The following OR3A2 variants were observed in gnomAD, a reference collection of about 807,000 sequenced individuals.
The protein encoded by OR3A2 is olfactory receptor family 3 subfamily A member 2, also known as olfactory receptor 3A2.
For missense variants in OR3A2, 318 were observed against 392.8 expected (o/e 0.81, Z 1.61); for synonymous variants, 126 against 159.3 (o/e 0.79, Z 1.57).
intron 3 of OR3A2, among the ~76,000 whole-genome samples, chr17:3,294,168 T>C (rs2048901382): frequency 6.7e-6 from 1 of 149,798 alleles, no homozygotes; most frequent in African/African-American, 2.5e-5. Context: ...TCGGCCTCTC[T>C]AAAAATAAAA....
At position 3,335,375 on chromosome 17, in the gene OR3A2, CTTTCT is replaced by C. The variant is rs564400231; in HGVS notation, c.-85+653_-85+657del. On this transcript the variant is annotated intron_variant, in intron 3 of 4. Transcript: ENST00000573491. ...TGTATGCCTGGAATATTAATCTAGC[CTTTCT>C]TTTGATACATTTTATAAATATATGT... Among the ~76,000 whole-genome samples the C allele has an allele frequency of 2.0e-5, 3 of 152,122 alleles. No homozygotes were observed. In the South Asian group the frequency reaches 6.2e-4, roughly 31 times the overall value.
intron 2 of OR3A2, among the ~76,000 whole-genome samples, chr17:3,363,325 C>T (rs964033998): frequency 6.6e-6 from 1 of 151,754 alleles, no homozygotes; most frequent in African/African-American, 2.4e-5. Context: ...ATTTCTTCTG[C>T]CAGATACTCT....
chr17:3,362,804 C>A (rs548505523), intron 2 of OR3A2, among the ~76,000 whole-genome samples: 1 of 151,760 alleles, frequency 6.6e-6, no homozygotes, highest in African/African-American at 2.4e-5. Flanking sequence ...TCCATACATC[C>A]TCTGAAATCT....
chr17:3,294,668 G>A (rs373329559), intron 3 of OR3A2, among the ~76,000 whole-genome samples: 2 of 152,004 alleles, frequency 1.3e-5, no homozygotes. Flanking sequence ...TAAAAAAATG[G>A]ATAGCCTAGT....
At chr17:3,371,906 C>T (rs144739920) in intron 2 of OR3A2, among the ~76,000 whole-genome samples, 2,825 of 145,106 alleles carry the variant, frequency 0.019, 127 homozygotes, top group African/African-American at 0.067. Flanking sequence ...CCGGACGGGG[C>T]GGCTGGCCGG....
intron 3 of OR3A2, among the ~76,000 whole-genome samples, chr17:3,306,640 T>C (rs539787279): frequency 9.3e-4 from 132 of 141,280 alleles, no homozygotes; most frequent in Non-Finnish European, 1.6e-3. Flanking sequence ...CCATGTGGAA[T>C]AGGGAGAGTG....
intron 2 of OR3A2, among the ~76,000 whole-genome samples, chr17:3,347,368 A>G (rs777914909): frequency 6.6e-6 from 1 of 152,104 alleles, no homozygotes; most frequent in African/African-American, 2.4e-5. Context: ...AGCATTAGGT[A>G]TATCTCCCAA....
Position 3,348,584 on chromosome 17 carries a change from G to A in OR3A2, c.-178-12458C>T, listed in dbSNP as rs149729060. The stretch of plus-strand genomic sequence containing the variant: ...GTACCTGAAAGTGACGGGGAGAATG[G>A]AACCAAGTTGGAAAACACTCTGCAG... On this transcript the variant is annotated intron_variant, in intron 2 of 4. Coordinates refer to the OR3A2 transcript ENST00000573491. Among the ~76,000 whole-genome samples, 443 of 152,196 alleles carry A rather than the reference G, an allele frequency of 2.9e-3. 1 individual carries two copies. The highest frequency in any genetic ancestry group is 0.017 in the Middle Eastern group (5 of 294).
At chr17:3,293,365 A>T (rs2048893206) in intron 3 of OR3A2, among the ~76,000 whole-genome samples, 1 of 152,240 alleles carries the variant, frequency 6.6e-6, no homozygotes, top group South Asian at 2.1e-4. Flanking sequence ...GTAGAAAAAA[A>T]TACATCAGTT....
chr17:3,361,402 T>G (rs1323990578), intron 2 of OR3A2, among the ~76,000 whole-genome samples: 4 of 151,534 alleles, frequency 2.6e-5, no homozygotes, highest in Admixed American at 6.6e-5. Context: ...TGAATGTGCT[T>G]TATTTCTTTC....
At chr17:3,320,775 A>G (rs2049114845) in intron 3 of OR3A2, among the ~76,000 whole-genome samples, 1 of 152,062 alleles carries the variant, frequency 6.6e-6, no homozygotes, top group Admixed American at 6.6e-5. Context: ...TGTTTTGGTT[A>G]CTGTAGCCTT....
intron 2 of OR3A2, among the ~76,000 whole-genome samples, chr17:3,343,557 G>A (rs1033319284): frequency 6.6e-6 from 1 of 152,112 alleles, no homozygotes; most frequent in African/African-American, 2.4e-5. Flanking sequence ...TTAGAAAACA[G>A]AAAGAAACTA....
chr17:3,347,855 C>T (rs1290738708), intron 2 of OR3A2, among the ~76,000 whole-genome samples: 2 of 152,170 alleles, frequency 1.3e-5, no homozygotes, highest in Middle Eastern at 3.2e-3. Context: ...GATTACAGTC[C>T]CACCAACAGT....
At chr17:3,385,984 G>T in intron 1 of OR3A2, 141 bp downstream of exon 1, 1 of 370,068 alleles carries the variant, frequency 2.7e-6, no homozygotes, top group Non-Finnish European at 4.6e-6. Context: ...CGGCCTGGTG[G>T]ACGGAACAGA....
chr17:3,317,004 A>C (rs1482500936), intron 3 of OR3A2, among the ~76,000 whole-genome samples: 1 of 152,164 alleles, frequency 6.6e-6, no homozygotes, highest in Non-Finnish European at 1.5e-5. Context: ...ACTACATAGT[A>C]AATACTCAAG....
chr17:3,361,899 C>A (rs28853301), intron 2 of OR3A2, among the ~76,000 whole-genome samples: 21,136 of 151,232 alleles, frequency 0.14, 2,139 homozygotes, highest in African/African-American at 0.25. Context: ...TGTCTCTGCC[C>A]GGCTTTGGTA....
chr17:3,285,139 T>A (rs562650155), upstream of OR3A2, among the ~76,000 whole-genome samples: 58 of 152,136 alleles, frequency 3.8e-4, no homozygotes, highest in South Asian at 6.2e-4. Flanking sequence ...AGTCCGGCCC[T>A]GAGGAATTGA....
intron 3 of OR3A2, among the ~76,000 whole-genome samples, chr17:3,302,664 C>T (rs1373826832): frequency 6.6e-6 from 1 of 152,118 alleles, no homozygotes; most frequent in Non-Finnish European, 1.5e-5. Context: ...AATTAGAGAC[C>T]CAAAAGAAAT....
chr17:3,344,857 G>T (rs1369517372), intron 2 of OR3A2, among the ~76,000 whole-genome samples: 1 of 152,108 alleles, frequency 6.6e-6, no homozygotes, highest in Non-Finnish European at 1.5e-5. Context: ...CAACTGGAGG[G>T]AATGTTCCCT....
Sources: gnomAD v4.1 joint callset for allele counts (sites outside exome capture counted in the v4.1 genomes callset) on GRCh38, gnomAD v4.1.1 for gene constraint, MANE v1.5 for transcripts, NCBI Gene and HGNC (gene_info 2026-07-23, HGNC 2026-07-21) for gene names.